DSCAML1: variants seen among roughly 807,000 people sequenced by gnomAD.
DSCAML1 encodes DS cell adhesion molecule like 1, also known as cell adhesion molecule DSCAML1.
A neutral mutation model predicts 200.5 loss-of-function variants in DSCAML1; 38 were observed. The observed-to-expected ratio is 0.19, with a 90% CI of 0.15 to 0.25. The LOEUF (loss-of-function observed/expected upper bound fraction) is 0.25. Among genes scored for constraint, DSCAML1 ranks in the 10% least tolerant of loss-of-function variants. The pLI is 1.00. For synonymous variants in DSCAML1, 1,215 were observed against 1,165.0 expected (o/e 1.04, Z -0.87); for missense variants, 2,223 against 2,858.8 (o/e 0.78, Z 5.07).
chr11:117,570,141 G>C (rs891343860), intron 3 of DSCAML1, among the ~76,000 whole-genome samples: 1 of 152,128 alleles, frequency 6.6e-6, no homozygotes, highest in African/African-American at 2.4e-5. Context: ...GCTTTCTAGA[G>C]GGGTGGGGGG....
intron 3 of DSCAML1, among the ~76,000 whole-genome samples, chr11:117,738,675 C>T (rs1481367524): frequency 6.6e-6 from 1 of 152,178 alleles, no homozygotes; most frequent in Admixed American, 6.5e-5. Context: ...GAAAGGATTT[C>T]CATGATGCCC....
intron 3 of DSCAML1, among the ~76,000 whole-genome samples, chr11:117,577,498 CTT>C (rs1565801755): frequency 0.017 from 278 of 16,742 alleles, no homozygotes; most frequent in Middle Eastern, 0.077. Flanking sequence ...TCCTTCCTTC[CTT>C]CCTTCCCTCC....
chr11:117,521,218 C>A lies in DSCAML1; in HGVS notation c.1125G>T (p.Ser375=). 6.2e-7 allele frequency: 1 copy of A among 1,614,128 alleles called. No individual in the cohort carries two copies. Among genetic ancestry groups the A allele is most frequent in the Admixed American group, 1.7e-5 (1 of 60,026 alleles). Residue 375 remains serine, a synonymous_variant, in exon 6 of 33, where the codon TCG becomes TCT. Coordinates refer to ENST00000651296, the MANE Select transcript of DSCAML1 (RefSeq NM_020693.4). ...GLSNETLLIT[S]AQKSHSGAYQ... ...AGGCCCCGGAATGGCTCTTCTGGGC[C>A]GAGGTGATGAGCAGCGTCTCGTTGC...
rs571037981 is a variant in DSCAML1 at position 117,541,927 on chromosome 11, G to A, written c.512-9405C>T. Reference sequence around the variant, plus strand: ...AAATGCTACCCCCAGCCCGAAGAGGGACTACTAGCAACACAGGGCTGCTGG... The same window carrying A: ...AAATGCTACCCCCAGCCCGAAGAGGAACTACTAGCAACACAGGGCTGCTGG... On this transcript the variant is annotated intron_variant, in intron 3 of 32. Coordinates refer to ENST00000651296, the MANE Select transcript of DSCAML1 (RefSeq NM_020693.4). 6.6e-5 allele frequency among the ~76,000 whole-genome samples: 10 copies of A among 152,306 alleles called. No individual in the cohort carries two copies. In the East Asian group the frequency reaches 1.7e-3, roughly 26 times the overall value.
intron 3 of DSCAML1, among the ~76,000 whole-genome samples, chr11:117,765,813 G>C (rs755965257): frequency 6.6e-6 from 1 of 152,196 alleles, no homozygotes; most frequent in Non-Finnish European, 1.5e-5. Context: ...GGCAAGTTAG[G>C]TGCGGAGTCA....
Position 117,435,815 on chromosome 11 carries a change from G to A in DSCAML1, c.4721-16C>T, listed in dbSNP as rs774261815. ...GGAATGGTGCCTGAATGAGGGCAAA[G>A]AATAGAATTAGATGTCCCTTATGAG... is the stretch of plus-strand genomic sequence containing the variant. On this transcript the variant is annotated splice_polypyrimidine_tract_variant and intron_variant, in intron 26 of 32. Coordinates refer to ENST00000651296, the MANE Select transcript of DSCAML1 (RefSeq NM_020693.4). 9 of 1,594,918 alleles carry A rather than the reference G, an allele frequency of 5.6e-6. No homozygotes were observed. The highest frequency in any genetic ancestry group is 5.5e-5 in the South Asian group (5 of 90,166).
At chr11:117,786,057 G>T (rs955197338) in intron 1 of DSCAML1, among the ~76,000 whole-genome samples, 14 of 152,088 alleles carry the variant, frequency 9.2e-5, no homozygotes, top group Admixed American at 8.5e-4. Flanking sequence ...CCCTGACAGA[G>T]ATTCCTCCCT....
chr11:117,769,448 TTTTATATATATAA>T (rs2054987533), intron 3 of DSCAML1, among the ~76,000 whole-genome samples: 1 of 85,108 alleles, frequency 1.2e-5, no homozygotes, highest in African/African-American at 5.8e-5. Context: ...ATAATATATA[TTTTATATATATAA>T]TATATATTTT....
At chr11:117,753,777 C>A (rs528812664) in intron 3 of DSCAML1, among the ~76,000 whole-genome samples, 2 of 152,196 alleles carry the variant, frequency 1.3e-5, no homozygotes, top group Non-Finnish European at 2.9e-5. Flanking sequence ...CTGTCACTCA[C>A]GCTGCATGTT....
intron 3 of DSCAML1, among the ~76,000 whole-genome samples, chr11:117,767,827 C>T (rs1269336640): frequency 6.6e-6 from 1 of 152,208 alleles, no homozygotes; most frequent in Non-Finnish European, 1.5e-5. Context: ...CTCTGAATCT[C>T]ATTTTCTTTA....
In DSCAML1 at chr11:117,539,606, C is replaced by CAAAAAA. The variant is rs35130897; in HGVS notation, c.512-7090_512-7085dup. Among the ~76,000 whole-genome samples the CAAAAAA allele has an allele frequency of 1.4e-3, 76 of 52,584 alleles. 1 individual carries two copies. The highest frequency in any genetic ancestry group is 3.9e-3 in the African/African-American group (48 of 12,352). 34.5% of individuals were successfully genotyped at this position (52,584 alleles called of 152,430 possible). Reference sequence around the variant, plus strand: ...CTGGGCAACAAGAGTAAAACTCTGTCAAAAAAAAAAAAAAAAAAAAAAAAG... The same window carrying CAAAAAA: ...CTGGGCAACAAGAGTAAAACTCTGTCAAAAAAAAAAAAAAAAAAAAAAAAAAAAAAG... On this transcript the variant is annotated intron_variant, in intron 3 of 32. Coordinates refer to ENST00000651296, the MANE Select transcript of DSCAML1 (RefSeq NM_020693.4).
At chr11:117,649,641 AC>A (rs1395842628) in intron 3 of DSCAML1, among the ~76,000 whole-genome samples, 6 of 151,848 alleles carry the variant, frequency 4.0e-5, no homozygotes, top group African/African-American at 1.5e-4. Context: ...TCCCTACCAA[AC>A]CCCTGTGAAC....
intron 3 of DSCAML1, among the ~76,000 whole-genome samples, chr11:117,618,004 T>TCTCTCTCTCCCTCTCC (rs2051848213): frequency 6.6e-6 from 1 of 152,094 alleles, no homozygotes; most frequent in Non-Finnish European, 1.5e-5. Context: ...TATAATAATG[T>TCTCTCTCTCCCTCTCC]CTCTCTCTCC....
intron 3 of DSCAML1, among the ~76,000 whole-genome samples, chr11:117,630,162 G>A (rs1479319361): frequency 6.6e-6 from 1 of 152,238 alleles, no homozygotes; most frequent in East Asian, 1.9e-4. Flanking sequence ...CCCCCACAGG[G>A]CACAGGAATG....
At chr11:117,554,422 C>T (rs888182338) in intron 3 of DSCAML1, among the ~76,000 whole-genome samples, 5 of 152,002 alleles carry the variant, frequency 3.3e-5, no homozygotes, top group Non-Finnish European at 7.4e-5. Context: ...GCTCTGTCAC[C>T]CAGGCTGGAG....
intron 3 of DSCAML1, among the ~76,000 whole-genome samples, chr11:117,768,814 G>T (rs1475834343): frequency 2.0e-5 from 3 of 151,884 alleles, no homozygotes; most frequent in Non-Finnish European, 4.4e-5. Flanking sequence ...TATATCTCCT[G>T]TGAATTGTTT....
In DSCAML1 at chr11:117,463,333, T is replaced by C. The variant is rs1386306014; in HGVS notation, c.3265+1609A>G. 6.6e-6 allele frequency among the ~76,000 whole-genome samples: 1 copy of C among 152,072 alleles called. No homozygotes were observed. The highest frequency in any genetic ancestry group is 1.5e-5 in the Non-Finnish European group (1 of 68,026). On this transcript the variant is annotated intron_variant, in intron 17 of 32. Coordinates refer to ENST00000651296, the MANE Select transcript of DSCAML1 (RefSeq NM_020693.4). The surrounding 1 kb of genome is among the most constrained non-coding windows in gnomAD (Gnocchi z 4.0). ...AAAGGTGCTCCCTGGACAAGCAGCA[T>C]TACCTGGGAACTTATTAGAAATAAT...
intron 3 of DSCAML1, among the ~76,000 whole-genome samples, chr11:117,606,134 G>A (rs527253459): frequency 3.7e-4 from 56 of 152,236 alleles, no homozygotes; most frequent in African/African-American, 1.2e-3. Flanking sequence ...GAGCCGTGGC[G>A]ACTCCTCTGC....
At chr11:117,554,230 G>A (rs1265229373) in intron 3 of DSCAML1, among the ~76,000 whole-genome samples, 2 of 152,138 alleles carry the variant, frequency 1.3e-5, no homozygotes, top group Admixed American at 6.5e-5. Context: ...GGCGATGGCT[G>A]TACCACAATG....
Sources: gnomAD v4.1 joint callset for allele counts (sites outside exome capture counted in the v4.1 genomes callset) on GRCh38, gnomAD v4.1.1 for gene constraint, Gnocchi (gnomAD v3.1) non-coding constraint, MANE v1.5 for transcripts, NCBI Gene and HGNC (gene_info 2026-07-23, HGNC 2026-07-21) for gene names.